Variants in SARDH observed in about 807,000 individuals in gnomAD.
The protein encoded by SARDH is sarcosine dehydrogenase, also known as sarcosine dehydrogenase, mitochondrial.
A neutral mutation model predicts 109.1 loss-of-function variants in SARDH; 95 were observed. The observed-to-expected ratio is 0.87, with a 90% CI of 0.74 to 1.03. SARDH has a LOEUF of 1.03. SARDH is among the 50% of genes least tolerant of loss of function. SARDH has a pLI of 0.00. For missense variants in SARDH, 1,267 were observed against 1,287.8 expected, an observed-to-expected ratio of 0.98 and a Z score of 0.25; for synonymous variants, 572 against 534.8, an observed-to-expected ratio of 1.07 and a Z score of -0.96.
intron 10 of SARDH, among the ~76,000 whole-genome samples, chr9:133,710,444 G>T (rs1831875194): frequency 6.6e-6 from 1 of 152,224 alleles, no homozygotes; most frequent in African/African-American, 2.4e-5. Flanking sequence ...GACAGGCCCC[G>T]CACCCAGGGA....
At chr9:133,702,813 T>TG (rs976741183) in intron 13 of SARDH, 103 bp downstream of exon 13, 1 of 976,762 alleles carries the variant, frequency 1.0e-6, no homozygotes, top group African/African-American at 1.6e-5. Flanking sequence ...AAGAGACTCC[T>TG]GGGGGAGGGG....
At chr9:133,729,975 A>AC in intron 5 of SARDH, 89 bp downstream of exon 5, 5 of 1,590,574 alleles carry the variant, frequency 3.1e-6, no homozygotes, top group Non-Finnish European at 3.4e-6. Context: ...GGGGCTCCCC[A>AC]CCCCAGAAAG....
rs374249778 is a variant in SARDH, at chr9:133,699,507, A to AAAT, written c.1669-3149_1669-3147dup. Among the ~76,000 whole-genome samples the AAAT allele has an allele frequency of 1.5e-3, 223 of 151,670 alleles. 2 individuals carry two copies. Among genetic ancestry groups the AAAT allele is most frequent in the South Asian group, 7.7e-3 (37 of 4,798 alleles). ...GGCAACAAGAGCGAAACCCTGTCTCAAATAATAATAATAATAATAATAAGA... is the reference window on the plus strand; with the variant it reads ...GGCAACAAGAGCGAAACCCTGTCTCAAATAATAATAATAATAATAATAATAAGA... On this transcript the variant is annotated intron_variant, in intron 13 of 20. Coordinates refer to ENST00000439388, the MANE Select transcript of SARDH (RefSeq NM_001134707.2).
chr9:133,694,311 ACAGT>A lies in SARDH; in HGVS notation c.1864_1867del (p.Thr622SerfsTer60), dbSNP rs769409681. The A allele has an allele frequency of 1.7e-5, 27 of 1,550,416 alleles. No individual in the cohort carries two copies. The highest frequency in any genetic ancestry group is 5.9e-5 in the South Asian group (5 of 84,042). On this transcript the variant is annotated frameshift_variant, in exon 15 of 21. Transcript: ENST00000439388. LOFTEE classifies it high-confidence loss of function. ...CTGGTGGCTGGGTGCCAGGCGGCTGACAGTCAGGTCACTCTCGGTGCCCCCACGG... is the reference window on the plus strand; with the variant it reads ...CTGGTGGCTGGGTGCCAGGCGGCTGACAGGTCACTCTCGGTGCCCCCACGG...
chr9:133,687,099 C>T (rs937036472), intron 16 of SARDH, among the ~76,000 whole-genome samples: 1 of 152,164 alleles, frequency 6.6e-6, no homozygotes, highest in Non-Finnish European at 1.5e-5. Flanking sequence ...CCTGTACTTA[C>T]CCCTGAACCC....
intron 17 of SARDH, among the ~76,000 whole-genome samples, chr9:133,681,914 C>T (rs926021690): frequency 6.6e-5 from 10 of 152,232 alleles, no homozygotes; most frequent in South Asian, 2.1e-4. Flanking sequence ...GTTTCCCCTC[C>T]CCCCCATCCC....
At chr9:133,664,090 G>A in intron 20 of SARDH, 76 bp from the exon 21 acceptor site, 1 of 1,561,048 alleles carries the variant, frequency 6.4e-7, no homozygotes, top group Non-Finnish European at 8.7e-7. Context: ...TTCTCTGGAG[G>A]AGGGGGTCTT....
chr9:133,683,285 C>A (rs1020691690), intron 17 of SARDH, among the ~76,000 whole-genome samples: 1 of 152,146 alleles, frequency 6.6e-6, no homozygotes, highest in Admixed American at 6.5e-5. Flanking sequence ...AGTGGCCGTG[C>A]GGGTGGGGGC....
intron 16 of SARDH, among the ~76,000 whole-genome samples, chr9:133,690,112 C>T (rs939607049): frequency 6.6e-6 from 1 of 152,194 alleles, no homozygotes; most frequent in Non-Finnish European, 1.5e-5. Context: ...CTAGACTGCA[C>T]TGGTGACTCA....
rs781432712 is a variant in SARDH at position 133,708,365 on chromosome 9, G to A, written c.1392C>T (p.Tyr464=). Residue 464 remains tyrosine, a synonymous_variant, in exon 11 of 21, where the codon TAC becomes TAT. Coordinates refer to ENST00000439388, the MANE Select transcript of SARDH (RefSeq NM_001134707.2). The part of the protein sequence containing the change: ...RWIRERSHES[Y]AKNYSVVFPH... ...GGAAGACGACGGAGTAGTTCTTGGC[G>A]TAGGACTCATGGCTTCGCTCTCGGA... is the stretch of plus-strand genomic sequence containing the variant. 24 of 1,613,226 alleles carry A rather than the reference G, an allele frequency of 1.5e-5. No individual in the cohort carries two copies. In the Middle Eastern group the frequency reaches 4.9e-4, roughly 33 times the overall value.
chr9:133,732,675 G>T (rs972734706), intron 2 of SARDH, 74 bp from the exon 3 acceptor site: 59 of 1,408,726 alleles, frequency 4.2e-5, no homozygotes, highest in Non-Finnish European at 5.5e-5. Context: ...AATATCAGGG[G>T]ATACCCTGAT....
At chr9:133,690,054 C>T (rs1415979936) in intron 16 of SARDH, among the ~76,000 whole-genome samples, 3 of 152,094 alleles carry the variant, frequency 2.0e-5, no homozygotes, top group Non-Finnish European at 2.9e-5. Context: ...GGTAGCAGGG[C>T]GAAATCTGGC....
chr9:133,735,226 A>T (rs902693573), intron 1 of SARDH, among the ~76,000 whole-genome samples: 9 of 152,150 alleles, frequency 5.9e-5, no homozygotes, highest in Admixed American at 2.6e-4. Flanking sequence ...GCTCGGTGGG[A>T]CTAAGGCGGA....
At position 133,690,542 on chromosome 9, in the gene SARDH, C is replaced by A. The variant is rs368512817; in HGVS notation, c.1922-15G>T. 35 of 1,590,282 alleles carry A rather than the reference C, an allele frequency of 2.2e-5. No individual in the cohort carries two copies. Among genetic ancestry groups the A allele is most frequent in the Admixed American group, 3.3e-5 (2 of 59,800 alleles). The stretch of plus-strand genomic sequence containing the variant: ...GTAACCGTCCCCTGGAAGAGAGGCA[C>A]CTGGACTTAGAGCAGGATTTCAGGG... On this transcript the variant is annotated splice_polypyrimidine_tract_variant and intron_variant, in intron 15 of 20. Coordinates refer to ENST00000439388, the MANE Select transcript of SARDH (RefSeq NM_001134707.2).
chr9:133,665,899 A>T (rs897296784), intron 20 of SARDH, among the ~76,000 whole-genome samples: 1 of 152,204 alleles, frequency 6.6e-6, no homozygotes, highest in Admixed American at 6.5e-5. Flanking sequence ...TCCCGGCCTC[A>T]CTTAGGGCTT....
chr9:133,695,700 C>T (rs1831260295), intron 14 of SARDH, among the ~76,000 whole-genome samples: 1 of 111,824 alleles, frequency 8.9e-6, no homozygotes, highest in Non-Finnish European at 1.6e-5. Context: ...CAGCCCAGAA[C>T]ACTCATGAAG....
intron 8 of SARDH, among the ~76,000 whole-genome samples, chr9:133,714,139 G>T (rs567457025): frequency 6.6e-6 from 1 of 152,208 alleles, no homozygotes; most frequent in Non-Finnish European, 1.5e-5. Flanking sequence ...CACTTCGTTC[G>T]TGAACGATGA....
intron 13 of SARDH, among the ~76,000 whole-genome samples, chr9:133,700,703 G>T (rs1831450139): frequency 6.7e-6 from 1 of 150,000 alleles, no homozygotes; most frequent in African/African-American, 2.5e-5. Context: ...TCTCAATAAA[G>T]CTGTTTTCAA....
In SARDH at chr9:133,686,242, C is replaced by T. The variant is rs374305696; in HGVS notation, c.2070-956G>A. Among the ~76,000 whole-genome samples, 19 of 152,158 alleles carry T rather than the reference C, an allele frequency of 1.2e-4. No individual in the cohort carries two copies. Among genetic ancestry groups the T allele is most frequent in the South Asian group, 6.2e-4 (3 of 4,824 alleles). Reference sequence around the variant, plus strand: ...AGCACCACATCTACTCTCACACTTGCGCAAGTACCGGAGACCTCACTGGAG... The same window carrying T: ...AGCACCACATCTACTCTCACACTTGTGCAAGTACCGGAGACCTCACTGGAG... On this transcript the variant is annotated intron_variant, in intron 16 of 20. Transcript: ENST00000439388. This position sits in a 1 kb window ranked among gnomAD's most constrained non-coding sequence, Gnocchi z 4.0.
Sources: gnomAD v4.1 joint callset for allele counts (sites outside exome capture counted in the v4.1 genomes callset) on GRCh38, gnomAD v4.1.1 for gene constraint, Gnocchi (gnomAD v3.1) non-coding constraint, MANE v1.5 for transcripts, NCBI Gene and HGNC (gene_info 2026-07-23, HGNC 2026-07-21) for gene names.